RBFOX1: variants seen among roughly 807,000 people sequenced by gnomAD.
The protein encoded by RBFOX1 is RNA binding protein fox-1 homolog 1.
In RBFOX1, 8 loss-of-function variants were observed where a neutral mutation model predicts 57.7. The ratio of observed to expected loss-of-function variants is 0.14; its 90% confidence interval spans 0.08 to 0.25. RBFOX1 has a LOEUF of 0.25. RBFOX1 is among the 10% of genes least tolerant of loss of function. The pLI is 1.00. For missense variants in RBFOX1, 611 were observed against 548.5 expected, an observed-to-expected ratio of 1.11 and a Z score of -1.14; for synonymous variants, 326 against 222.4, an observed-to-expected ratio of 1.47 and a Z score of -4.15.
intron 3 of RBFOX1, among the ~76,000 whole-genome samples, chr16:5,699,865 G>A (rs927613614): frequency 1.6e-4 from 24 of 152,146 alleles, no homozygotes; most frequent in Middle Eastern, 6.8e-3. Context: ...ACGGAGTCTT[G>A]CTCTGTCGCC....
rs979016991 is a variant in RBFOX1, at chr16:5,323,073, C to G, written c.219+82968C>G. On this transcript the variant is annotated intron_variant, in intron 1 of 2. Transcript: ENST00000585867. ...GCCTCTCTGTGCCTCAGTTTCCTCA[C>G]CTGCAAAATGCAATGGGAACATCTC... Among the ~76,000 whole-genome samples the G allele has an allele frequency of 3.3e-5, 5 of 152,290 alleles. No individual in the cohort carries two copies. The East Asian group carries it at 9.7e-4, about 29-fold the overall frequency.
At chr16:7,507,704 C>T (rs1279084329) in intron 4 of RBFOX1, among the ~76,000 whole-genome samples, 1 of 151,698 alleles carries the variant, frequency 6.6e-6, no homozygotes. Context: ...GCTGGGACTA[C>T]AGGCGCCCAC....
At chr16:6,403,342 G>A (rs1227126397) in intron 2 of RBFOX1, among the ~76,000 whole-genome samples, 1 of 152,122 alleles carries the variant, frequency 6.6e-6, no homozygotes, top group African/African-American at 2.4e-5. Flanking sequence ...GCTTGCTTTT[G>A]ATAATCTCCC....
intron 3 of RBFOX1, among the ~76,000 whole-genome samples, chr16:7,045,317 C>A (rs575323325): frequency 2.6e-5 from 4 of 152,158 alleles, no homozygotes; most frequent in South Asian, 2.1e-4. Flanking sequence ...AGAATATAAG[C>A]AAAATAATAT....
chr16:6,071,255 A>G (rs913600963), intron 1 of RBFOX1, among the ~76,000 whole-genome samples: 6 of 152,308 alleles, frequency 3.9e-5, no homozygotes, highest in African/African-American at 1.2e-4. Context: ...CAGGAGGTTG[A>G]GGCTGTACTG....
intron 2 of RBFOX1, among the ~76,000 whole-genome samples, chr16:6,493,923 C>A (rs895183649): frequency 3.3e-5 from 5 of 152,162 alleles, no homozygotes; most frequent in African/African-American, 1.2e-4. Context: ...CTTAATACAT[C>A]TACAGTAGCA....
At chr16:6,537,062 C>T (rs1259624138) in intron 2 of RBFOX1, among the ~76,000 whole-genome samples, 1 of 152,172 alleles carries the variant, frequency 6.6e-6, no homozygotes, top group Non-Finnish European at 1.5e-5. Context: ...CCTCTCAGCT[C>T]TGGTATAGGA....
chr16:6,456,554 A>G (rs971415957), intron 2 of RBFOX1, among the ~76,000 whole-genome samples: 2 of 152,170 alleles, frequency 1.3e-5, no homozygotes, highest in Non-Finnish European at 2.9e-5. Context: ...CTTTTACTTT[A>G]AGGACAATTG....
At chr16:7,671,191 A>C (rs962526439) in intron 13 of RBFOX1, among the ~76,000 whole-genome samples, 6 of 152,254 alleles carry the variant, frequency 3.9e-5, no homozygotes, top group Non-Finnish European at 7.3e-5. Flanking sequence ...TAGATATTCC[A>C]GAAAATTCCA....
intron 3 of RBFOX1, among the ~76,000 whole-genome samples, chr16:5,735,300 C>T (rs1341222709): frequency 6.6e-6 from 1 of 152,186 alleles, no homozygotes; most frequent in Non-Finnish European, 1.5e-5. Context: ...TTACTCAAAC[C>T]CAGACAGTGT....
intron 1 of RBFOX1, among the ~76,000 whole-genome samples, chr16:6,297,344 G>A (rs889759628): frequency 6.6e-6 from 1 of 152,054 alleles, no homozygotes; most frequent in African/African-American, 2.4e-5. Flanking sequence ...AGTTGCTCTG[G>A]TTCACACGCC....
chr16:6,783,761 T>C (rs142763023), intron 3 of RBFOX1, among the ~76,000 whole-genome samples: 4 of 152,298 alleles, frequency 2.6e-5, no homozygotes, highest in Non-Finnish European at 5.9e-5. Flanking sequence ...GGTAATTTCT[T>C]GCTGCACATT....
chr16:7,477,778 T>A (rs1201666743), intron 4 of RBFOX1, among the ~76,000 whole-genome samples: 1 of 152,058 alleles, frequency 6.6e-6, no homozygotes, highest in Admixed American at 6.5e-5. Context: ...TCTCTTCCCA[T>A]AACCACACAG....
Position 6,544,909 on chromosome 16 carries a change from T to G in RBFOX1, c.-63-109694T>G, listed in dbSNP as rs536017845. 2.0e-5 allele frequency among the ~76,000 whole-genome samples: 3 copies of G among 152,320 alleles called. No homozygotes were observed. The South Asian group carries it at 6.2e-4, about 32-fold the overall frequency. On this transcript the variant is annotated intron_variant, in intron 2 of 15. Coordinates refer to ENST00000550418, the MANE Select transcript of RBFOX1 (RefSeq NM_018723.4). ...GTACCATTGTTTGCACATGTCTGCT[T>G]TTTATGATTATTAGTTAAGAGTTTA...
chr16:6,291,453 C>T (rs1265817278), intron 1 of RBFOX1, among the ~76,000 whole-genome samples: 1 of 152,156 alleles, frequency 6.6e-6, no homozygotes, highest in Non-Finnish European at 1.5e-5. Flanking sequence ...TCTTTCTTCC[C>T]TTTGTAAAAG....
intron 10 of RBFOX1, among the ~76,000 whole-genome samples, chr16:7,618,236 A>G (rs1410890109): frequency 1.3e-5 from 2 of 152,194 alleles, no homozygotes; most frequent in African/African-American, 2.4e-5. Context: ...AAAAATAACA[A>G]TTATAATTAA....
intron 3 of RBFOX1, among the ~76,000 whole-genome samples, chr16:5,830,778 T>C (rs1196856484): frequency 6.6e-6 from 1 of 152,158 alleles, no homozygotes; most frequent in Non-Finnish European, 1.5e-5. Context: ...TACCCTGTGG[T>C]TCTAACGATA....
chr16:5,420,709 T>C (rs1258373016), intron 1 of RBFOX1, among the ~76,000 whole-genome samples: 1 of 151,712 alleles, frequency 6.6e-6, no homozygotes, highest in Non-Finnish European at 1.5e-5. Context: ...AATTTTTGTA[T>C]ACTTTTGGTA....
At chr16:7,364,700 C>A (rs1172361877) in intron 4 of RBFOX1, among the ~76,000 whole-genome samples, 1 of 151,860 alleles carries the variant, frequency 6.6e-6, no homozygotes, top group African/African-American at 2.4e-5. Flanking sequence ...CTTTTTCTAT[C>A]ATCAGATCTC....
Sources: allele counts gnomAD v4.1 joint callset (sites outside exome capture counted in the v4.1 genomes callset), GRCh38; gene constraint gnomAD v4.1.1; transcripts MANE v1.5; gene names NCBI Gene and HGNC (gene_info 2026-07-23, HGNC 2026-07-21).